The following MND1 variants were observed in gnomAD, a reference collection of about 807,000 sequenced individuals.
MND1 encodes the protein meiotic nuclear divisions 1, also known as meiotic nuclear division protein 1 homolog.
MND1 carries 28 observed loss-of-function variants against 35.1 expected under a neutral mutation model. The observed-to-expected ratio is 0.80, with a 90% CI of 0.59 to 1.09. MND1 has a LOEUF of 1.09. MND1 is among the 50% of genes least tolerant of loss of function. The pLI, the probability that MND1 is intolerant of heterozygous loss-of-function variation, is 0.00. For synonymous variants in MND1, 69 were observed against 70.5 expected (o/e 0.98, Z 0.11); for missense variants, 213 against 239.6 (o/e 0.89, Z 0.73).
intron 2 of MND1, among the ~76,000 whole-genome samples, chr4:153,350,604 A>T (rs1773190263): frequency 6.6e-6 from 1 of 152,186 alleles, no homozygotes; most frequent in Non-Finnish European, 1.5e-5. Flanking sequence ...AGAGGCCTTC[A>T]TTTATTCCAG....
At chr4:153,395,047 T>G (rs768139773) in intron 5 of MND1, among the ~76,000 whole-genome samples, 34 of 152,194 alleles carry the variant, frequency 2.2e-4, no homozygotes, top group Non-Finnish European at 2.2e-4. Flanking sequence ...CTGGAAAACT[T>G]GTCACATAGT....
intron 4 of MND1, among the ~76,000 whole-genome samples, chr4:153,385,944 C>T (rs1209199910): frequency 6.6e-6 from 1 of 152,108 alleles, no homozygotes; most frequent in East Asian, 1.9e-4. Context: ...GAGTTGTTTC[C>T]CACAACCACT....
intron 4 of MND1, among the ~76,000 whole-genome samples, chr4:153,362,124 A>G (rs1773510289): frequency 1.3e-5 from 2 of 152,140 alleles, no homozygotes; most frequent in African/African-American, 2.4e-5. Context: ...TAGAAATTCT[A>G]TTTGGTCCTT....
Position 153,397,328 on chromosome 4 carries a change from A to G in MND1, c.461A>G (p.Glu154Gly). 6.2e-7 allele frequency: 1 copy of G among 1,608,706 alleles called. No homozygotes were observed. The highest frequency in any genetic ancestry group is 8.5e-7 in the Non-Finnish European group (1 of 1,176,762). ...YKDCDPQVVE[E>G]IRQANKVAKE... The stretch of plus-strand genomic sequence containing the variant: ...GACTGTGATCCGCAAGTTGTGGAAG[A>G]AATACGTAAGTTTGTGTCATACCTT... The change falls in exon 6 of 8, where the codon GAA becomes GGA. Residue 154 changes from glutamate to glycine, a missense_variant. Physicochemically the swap from Glu to Gly is moderately conservative, Grantham distance 98. Coordinates refer to ENST00000240488, the MANE Select transcript of MND1 (RefSeq NM_032117.4).
At position 153,397,511 on chromosome 4, in the gene MND1, T is replaced by C. The variant is rs113022529; in HGVS notation, c.466+178T>C. ...ACATAGTAGGAAAATATTGCTTTAG[T>C]ATTGCCATTAAAAAGTCTTAATGTG... On this transcript the variant is annotated intron_variant, in intron 6 of 7. Coordinates refer to ENST00000240488, the MANE Select transcript of MND1 (RefSeq NM_032117.4). 5.0e-4 allele frequency among the ~76,000 whole-genome samples: 76 copies of C among 152,326 alleles called. 2 individuals are homozygous for C. Among genetic ancestry groups the C allele is most frequent in the African/African-American group, 1.8e-3 (75 of 41,580 alleles).
At chr4:153,388,529 A>G (rs1219482710) in intron 4 of MND1, among the ~76,000 whole-genome samples, 2 of 152,162 alleles carry the variant, frequency 1.3e-5, no homozygotes, top group African/African-American at 4.8e-5. Context: ...ACTAATTATA[A>G]GTAGTTTTTA....
chr4:153,360,588 G>A (rs1773457032), intron 4 of MND1, among the ~76,000 whole-genome samples: 1 of 70,600 alleles, frequency 1.4e-5, no homozygotes. Context: ...TTCTGTATGT[G>A]TGTGTGTGTG....
intron 4 of MND1, chr4:153,362,856 TG>T: frequency 3.6e-6 from 1 of 280,606 alleles, no homozygotes; most frequent in Non-Finnish European, 5.4e-6. Context: ...TTAGTAGTTA[TG>T]GACCAATTTT....
intron 4 of MND1, among the ~76,000 whole-genome samples, chr4:153,368,506 G>T (rs1773713338): frequency 6.6e-6 from 1 of 152,194 alleles, no homozygotes; most frequent in Non-Finnish European, 1.5e-5. Context: ...TGATAAATGA[G>T]ATGTAAGTAG....
At chr4:153,350,494 G>A (rs1327718546) in intron 2 of MND1, among the ~76,000 whole-genome samples, 1 of 152,200 alleles carries the variant, frequency 6.6e-6, no homozygotes, top group African/African-American at 2.4e-5. Flanking sequence ...ATAGTTCCAG[G>A]ATTCAAACCA....
chr4:153,413,735 A>C (rs1286119347), intron 7 of MND1, among the ~76,000 whole-genome samples: 1 of 150,302 alleles, frequency 6.7e-6, no homozygotes, highest in Non-Finnish European at 1.5e-5. Flanking sequence ...CACCCTCCCC[A>C]GTGCAGCCAC....
At chr4:153,368,250 C>G (rs1773705302) in intron 4 of MND1, among the ~76,000 whole-genome samples, 1 of 152,138 alleles carries the variant, frequency 6.6e-6, no homozygotes. Context: ...AAACATCTCT[C>G]CTCTCAGAAA....
chr4:153,411,717 A>G (rs930777888), intron 7 of MND1, among the ~76,000 whole-genome samples: 9 of 152,178 alleles, frequency 5.9e-5, no homozygotes, highest in African/African-American at 2.2e-4. Flanking sequence ...TTTGTTCCCT[A>G]CAAGCTTCCT....
chr4:153,363,179 C>T (rs956410920), intron 4 of MND1, among the ~76,000 whole-genome samples: 1 of 150,634 alleles, frequency 6.6e-6, no homozygotes, highest in Non-Finnish European at 1.5e-5. Context: ...TGTTGTTGCT[C>T]TTTGTTTTTT....
chr4:153,397,405 C>A (rs1055847097), intron 6 of MND1, 72 bp downstream of exon 6: 15 of 1,038,626 alleles, frequency 1.4e-5, no homozygotes, highest in Non-Finnish European at 2.1e-5. Context: ...TAGTTGCCTG[C>A]TAACTATTCT....
chr4:153,348,655 GT>G (rs369698380), intron 1 of MND1, among the ~76,000 whole-genome samples: 4 of 151,348 alleles, frequency 2.6e-5, no homozygotes, highest in Non-Finnish European at 4.4e-5. Context: ...GTGGGTTGTT[GT>G]TTTTTTTTGT....
At chr4:153,362,446 C>G (rs886616128) in intron 4 of MND1, among the ~76,000 whole-genome samples, 1 of 152,146 alleles carries the variant, frequency 6.6e-6, no homozygotes, top group Non-Finnish European at 1.5e-5. Flanking sequence ...CCTGCTTCTG[C>G]CATGTAAAAT....
At chr4:153,380,122 A>T (rs1728633186) in intron 4 of MND1, among the ~76,000 whole-genome samples, 2 of 151,962 alleles carry the variant, frequency 1.3e-5, no homozygotes, top group African/African-American at 4.8e-5. Flanking sequence ...TTTTTATATA[A>T]TTTTTTTTCT....
intron 1 of MND1, among the ~76,000 whole-genome samples, chr4:153,345,947 T>G (rs2149626015): frequency 6.8e-6 from 1 of 147,872 alleles, no homozygotes; most frequent in East Asian, 2.0e-4. Flanking sequence ...ACGCGCGTTG[T>G]CCTTTTACCT....
Sources: gnomAD v4.1 joint callset for allele counts (sites outside exome capture counted in the v4.1 genomes callset) on GRCh38, gnomAD v4.1.1 for gene constraint, MANE v1.5 for transcripts, NCBI Gene and HGNC (gene_info 2026-07-23, HGNC 2026-07-21) for gene names.